Variants in LHFPL6 observed in about 807,000 individuals in gnomAD.
LHFPL6 encodes LHFPL tetraspan subfamily member 6 protein.
LHFPL6 carries 9 observed loss-of-function variants against 20.6 expected under a neutral mutation model. The ratio of observed to expected loss-of-function variants is 0.44; its 90% CI spans 0.26 to 0.76. The LOEUF is 0.76. Ranked by LOEUF, LHFPL6 falls within the 30% of genes least tolerant of loss-of-function variation. The pLI, the probability that LHFPL6 is intolerant of heterozygous loss-of-function variation, is 0.20. For synonymous variants in LHFPL6, 105 were observed against 98.7 expected, an observed-to-expected ratio of 1.06 and a Z score of -0.38; for missense variants, 218 against 253.5, an observed-to-expected ratio of 0.86 and a Z score of 0.95.
intron 2 of LHFPL6, among the ~76,000 whole-genome samples, chr13:39,415,003 G>A (rs1871313121): frequency 6.6e-6 from 1 of 152,190 alleles, no homozygotes; most frequent in South Asian, 2.1e-4. Flanking sequence ...ACAATGAAAA[G>A]GATCACTCTG....
At chr13:39,439,744 G>C (rs1268974768) in intron 2 of LHFPL6, among the ~76,000 whole-genome samples, 2 of 152,008 alleles carry the variant, frequency 1.3e-5, no homozygotes, top group African/African-American at 4.8e-5. Flanking sequence ...AAAGTCTGTA[G>C]CACCTCCCCA....
At chr13:39,412,576 G>A (rs948004107) in intron 2 of LHFPL6, among the ~76,000 whole-genome samples, 2 of 152,160 alleles carry the variant, frequency 1.3e-5, no homozygotes, top group Admixed American at 1.3e-4. Flanking sequence ...TGCCACAATT[G>A]TTCCCATTTT....
chr13:39,439,863 A>G (rs1371389171), intron 2 of LHFPL6, among the ~76,000 whole-genome samples: 1 of 152,168 alleles, frequency 6.6e-6, no homozygotes, highest in African/African-American at 2.4e-5. Flanking sequence ...AGAAGCTGCT[A>G]TGCTTCCTGT....
At position 39,430,896 on chromosome 13, in the gene LHFPL6, C is replaced by T. The variant is rs191579024; in HGVS notation, c.386-52370G>A. The stretch of plus-strand genomic sequence containing the variant: ...GGTTATCCAAGCCAGCAGCGGCAAC[C>T]TGCTCAGGTCCCCTTCCACGCTGTT... On this transcript the variant is annotated intron_variant, in intron 2 of 3. Coordinates refer to ENST00000379589, the MANE Select transcript of LHFPL6 (RefSeq NM_005780.3). Among the ~76,000 whole-genome samples, 54 of 152,346 alleles carry T rather than the reference C, an allele frequency of 3.5e-4. 1 individual carries two copies. The East Asian group carries it at 9.8e-3, about 28-fold the overall frequency.
At chr13:39,357,109 T>C (rs1869746416) in intron 3 of LHFPL6, among the ~76,000 whole-genome samples, 1 of 151,944 alleles carries the variant, frequency 6.6e-6, no homozygotes, top group Admixed American at 6.6e-5. Context: ...GAGGTGGAGG[T>C]AGCAGTGAGC....
chr13:39,407,501 C>A (rs1871143040), intron 2 of LHFPL6, among the ~76,000 whole-genome samples: 1 of 152,148 alleles, frequency 6.6e-6, no homozygotes, highest in Non-Finnish European at 1.5e-5. Context: ...GGGACATGGG[C>A]CAAACATCTT....
At chr13:39,501,347 C>T (rs1290594469) in intron 2 of LHFPL6, among the ~76,000 whole-genome samples, 4 of 152,122 alleles carry the variant, frequency 2.6e-5, no homozygotes, top group Admixed American at 6.6e-5. Flanking sequence ...TATTACTTTG[C>T]GCTACAGTGT....
intron 2 of LHFPL6, among the ~76,000 whole-genome samples, chr13:39,563,014 T>C (rs1048366638): frequency 2.0e-5 from 3 of 150,842 alleles, no homozygotes; most frequent in African/African-American, 4.9e-5. Flanking sequence ...TAGTTGATAA[T>C]GAATGCAGTA....
At chr13:39,538,741 ATTAC>A (rs930741361) in intron 2 of LHFPL6, among the ~76,000 whole-genome samples, 3 of 152,114 alleles carry the variant, frequency 2.0e-5, no homozygotes, top group Non-Finnish European at 2.9e-5. Context: ...AGGAAAAACT[ATTAC>A]TTTATTAAGT....
In LHFPL6 at chr13:39,427,650, AT is replaced by A. The variant is rs993173894; in HGVS notation, c.386-49125del. On this transcript the variant is annotated intron_variant, in intron 2 of 3. Coordinates refer to ENST00000379589, the MANE Select transcript of LHFPL6 (RefSeq NM_005780.3). Reference sequence around the variant, plus strand: ...CACCTCATCATCAATATGTAAAAAAATTTTTTTACACATTATTGGATATGAC... The same window carrying A: ...CACCTCATCATCAATATGTAAAAAAATTTTTTACACATTATTGGATATGAC... Among the ~76,000 whole-genome samples the A allele has an allele frequency of 1.8e-3, 276 of 152,268 alleles. 1 individual carries two copies. The highest frequency in any genetic ancestry group is 6.5e-3 in the African/African-American group (269 of 41,540).
intron 3 of LHFPL6, among the ~76,000 whole-genome samples, chr13:39,345,652 T>G (rs1203051728): frequency 6.6e-6 from 1 of 151,956 alleles, no homozygotes; most frequent in African/African-American, 2.4e-5. Flanking sequence ...GTTTGACTAC[T>G]GCATACCGAA....
intron 2 of LHFPL6, among the ~76,000 whole-genome samples, chr13:39,394,928 C>T (rs1870806034): frequency 6.6e-6 from 1 of 152,182 alleles, no homozygotes; most frequent in South Asian, 2.1e-4. Context: ...CTTGATCTGC[C>T]TGGCACAGAC....
chr13:39,367,027 A>C (rs1182253166), intron 3 of LHFPL6, among the ~76,000 whole-genome samples: 2 of 152,258 alleles, frequency 1.3e-5, no homozygotes, highest in East Asian at 3.8e-4. Flanking sequence ...GTGCTAACAC[A>C]CAAGAGATCT....
At chr13:39,364,506 T>C (rs753998887) in intron 3 of LHFPL6, among the ~76,000 whole-genome samples, 1 of 152,094 alleles carries the variant, frequency 6.6e-6, no homozygotes, top group Non-Finnish European at 1.5e-5. Flanking sequence ...TGCAGAGAAA[T>C]GGCAAAAGAA....
chr13:39,560,258 C>A (rs1871430018), intron 2 of LHFPL6, among the ~76,000 whole-genome samples: 1 of 152,176 alleles, frequency 6.6e-6, no homozygotes, highest in African/African-American at 2.4e-5. Context: ...CTTCACAATT[C>A]TTTGATGAGA....
At chr13:39,369,567 TTTCCTTCCTTCC>T (rs776843003) in intron 3 of LHFPL6, among the ~76,000 whole-genome samples, 1 of 27,796 alleles carries the variant, frequency 3.6e-5, no homozygotes, top group African/African-American at 9.9e-5. Context: ...TCATAGTAGG[TTTCCTTCCTTCC>T]TTCCTTCCTT....
intron 2 of LHFPL6, among the ~76,000 whole-genome samples, chr13:39,482,398 G>T (rs553592675): frequency 6.6e-6 from 1 of 151,470 alleles, no homozygotes; most frequent in Non-Finnish European, 1.5e-5. Context: ...AGCCAAGATC[G>T]TGCCACTGCA....
chr13:39,373,018 A>T (rs1870200015), intron 3 of LHFPL6, among the ~76,000 whole-genome samples: 1 of 152,110 alleles, frequency 6.6e-6, no homozygotes, highest in Non-Finnish European at 1.5e-5. Flanking sequence ...CAAACCCTTT[A>T]CCTACCTAAA....
intron 2 of LHFPL6, among the ~76,000 whole-genome samples, chr13:39,416,640 A>G (rs1871356768): frequency 1.3e-5 from 2 of 152,248 alleles, no homozygotes; most frequent in African/African-American, 4.8e-5. Context: ...TGAATGCAGT[A>G]TGTAATTGCA....
Sources: gnomAD v4.1 joint callset for allele counts (sites outside exome capture counted in the v4.1 genomes callset) on GRCh38, gnomAD v4.1.1 for gene constraint, MANE v1.5 for transcripts, NCBI Gene and HGNC (gene_info 2026-07-23, HGNC 2026-07-21) for gene names.